The following ESRRG variants were observed in gnomAD, a reference collection of about 807,000 sequenced individuals.
ESRRG encodes estrogen related receptor gamma, also known as estrogen-related receptor gamma.
ESRRG carries 13 observed loss-of-function variants against 44.0 expected under a neutral mutation model. That is an observed-to-expected ratio of 0.30 (90% CI 0.19 to 0.47). The LOEUF (loss-of-function observed/expected upper bound fraction) is 0.47. Among genes scored for constraint, ESRRG ranks in the 20% least tolerant of loss-of-function variants. The pLI is 1.00. For synonymous variants in ESRRG, 215 were observed against 214.6 expected, an observed-to-expected ratio of 1.00 and a Z score of -0.02; for missense variants, 395 against 580.6, an observed-to-expected ratio of 0.68 and a Z score of 3.29.
At chr1:217,111,041 A>G (rs561257882) in intron 1 of ESRRG, among the ~76,000 whole-genome samples, 1 of 152,282 alleles carries the variant, frequency 6.6e-6, no homozygotes, top group South Asian at 2.1e-4. Flanking sequence ...GTTCCAGAAG[A>G]GTCTTCATGT....
chr1:216,648,797 T>A (rs933151553), intron 3 of ESRRG, among the ~76,000 whole-genome samples: 1 of 152,148 alleles, frequency 6.6e-6, no homozygotes, highest in Non-Finnish European at 1.5e-5. Flanking sequence ...TTTTAGAACT[T>A]TTTAAAAAAT....
intron 5 of ESRRG, among the ~76,000 whole-genome samples, chr1:216,524,203 T>A (rs531439184): frequency 1.1e-4 from 16 of 148,498 alleles, no homozygotes; most frequent in Middle Eastern, 3.5e-3. Context: ...GCTCAGGGGC[T>A]TGTAGGAAAC....
At chr1:216,949,815 C>CTT (rs1219879139) in intron 1 of ESRRG, among the ~76,000 whole-genome samples, 34 of 142,922 alleles carry the variant, frequency 2.4e-4, no homozygotes, top group African/African-American at 6.4e-4. Flanking sequence ...TTTTTCCAAA[C>CTT]TTTTTTTTTT....
intron 2 of ESRRG, among the ~76,000 whole-genome samples, chr1:216,787,818 A>C (rs1374560182): frequency 6.6e-6 from 1 of 152,116 alleles, no homozygotes; most frequent in African/African-American, 2.4e-5. Flanking sequence ...GAAAATTAAA[A>C]GTGCTATTCC....
intron 1 of ESRRG, among the ~76,000 whole-genome samples, chr1:216,952,559 A>G (rs1012895647): frequency 6.6e-6 from 1 of 152,156 alleles, no homozygotes; most frequent in Non-Finnish European, 1.5e-5. Context: ...AGATGGTAGT[A>G]GCAACTATGA....
intron 2 of ESRRG, among the ~76,000 whole-genome samples, chr1:216,931,835 CAA>C (rs56050369): frequency 2.0e-3 from 260 of 130,946 alleles, no homozygotes; most frequent in Middle Eastern, 0.012. Context: ...TGAGAAACCA[CAA>C]AAAAAAAAAA....
At chr1:216,706,952 T>C (rs775133318) in intron 1 of ESRRG, among the ~76,000 whole-genome samples, 6 of 152,208 alleles carry the variant, frequency 3.9e-5, no homozygotes, top group Admixed American at 2.0e-4. Flanking sequence ...ATTCAATCTT[T>C]GAGTCCTCAG....
intron 2 of ESRRG, among the ~76,000 whole-genome samples, chr1:216,889,035 T>C (rs2057421083): frequency 6.6e-6 from 1 of 152,210 alleles, no homozygotes; most frequent in Non-Finnish European, 1.5e-5. Context: ...GGACAGAATT[T>C]CAGAGTTTAA....
chr1:216,989,487 C>A (rs2075365297), intron 1 of ESRRG, among the ~76,000 whole-genome samples: 1 of 146,750 alleles, frequency 6.8e-6, no homozygotes, highest in South Asian at 2.2e-4. Flanking sequence ...TCTAATGTAT[C>A]AAGTTTTCTC....
intron 1 of ESRRG, among the ~76,000 whole-genome samples, chr1:217,098,151 A>G (rs912021973): frequency 1.3e-5 from 2 of 152,164 alleles, no homozygotes; most frequent in African/African-American, 4.8e-5. Flanking sequence ...TCTTGTCCAG[A>G]ACATGAAAGT....
At chr1:216,545,836 A>G (rs1018458857) in intron 5 of ESRRG, among the ~76,000 whole-genome samples, 1 of 151,964 alleles carries the variant, frequency 6.6e-6, no homozygotes, top group Non-Finnish European at 1.5e-5. Context: ...TTTATTTTTA[A>G]ATACCAAAGA....
At chr1:217,047,851 T>C (rs1479759769) in intron 1 of ESRRG, among the ~76,000 whole-genome samples, 4 of 152,092 alleles carry the variant, frequency 2.6e-5, no homozygotes, top group African/African-American at 7.2e-5. Context: ...TTATACCAGA[T>C]TGTGTGTTTG....
chr1:216,735,979 C>CAAAAAA (rs5780916), intron 2 of ESRRG, among the ~76,000 whole-genome samples: 5 of 115,530 alleles, frequency 4.3e-5, no homozygotes, highest in East Asian at 2.8e-4. Flanking sequence ...CTCCCCATCT[C>CAAAAAA]AAAAAAAAAT....
intron 2 of ESRRG, among the ~76,000 whole-genome samples, chr1:216,736,249 C>T (rs1157066391): frequency 1.4e-5 from 2 of 138,150 alleles, no homozygotes; most frequent in Non-Finnish European, 3.0e-5. Context: ...GTGGCGCTGT[C>T]TCTACTCACT....
chr1:217,019,388 G>A (rs2079942534), intron 1 of ESRRG, among the ~76,000 whole-genome samples: 1 of 152,142 alleles, frequency 6.6e-6, no homozygotes, highest in Non-Finnish European at 1.5e-5. Flanking sequence ...ACCACTTCCA[G>A]GGGAGTTACT....
At chr1:216,733,938 G>A (rs550131006) in intron 2 of ESRRG, among the ~76,000 whole-genome samples, 11 of 149,350 alleles carry the variant, frequency 7.4e-5, no homozygotes, top group East Asian at 2.0e-4. Context: ...GGTGGAGGTC[G>A]CGCCACTGCA....
Position 217,121,498 on chromosome 1 carries a change from A to G in ESRRG, c.-230+16169T>C, listed in dbSNP as rs11809012. Reference sequence around the variant, plus strand: ...TGACCAGTTAGGTGGCCATCCTACAAGTCTACGTGAGAGATGATGAGGCAT... The same window carrying G: ...TGACCAGTTAGGTGGCCATCCTACAGGTCTACGTGAGAGATGATGAGGCAT... On this transcript the variant is annotated intron_variant, in intron 1 of 8. Coordinates refer to the ESRRG transcript ENST00000366940. 1.7e-3 allele frequency among the ~76,000 whole-genome samples: 262 copies of G among 152,334 alleles called. 1 individual carries two copies. The highest frequency in any genetic ancestry group is 6.1e-3 in the African/African-American group (252 of 41,582).
intron 2 of ESRRG, among the ~76,000 whole-genome samples, chr1:216,787,878 G>A (rs924591832): frequency 6.6e-6 from 1 of 151,748 alleles, no homozygotes; most frequent in Admixed American, 6.6e-5. Flanking sequence ...TGCTCACATG[G>A]AGAAAGTTTG....
intron 1 of ESRRG, among the ~76,000 whole-genome samples, chr1:217,001,387 T>C (rs537900790): frequency 2.6e-5 from 4 of 152,230 alleles, no homozygotes; most frequent in Non-Finnish European, 4.4e-5. Context: ...CAAACTGCCT[T>C]GGGCAGTAAA....
Sources: gnomAD v4.1 joint callset for allele counts (sites outside exome capture counted in the v4.1 genomes callset) on GRCh38, gnomAD v4.1.1 for gene constraint, MANE v1.5 for transcripts, NCBI Gene and HGNC (gene_info 2026-07-23, HGNC 2026-07-21) for gene names.